TBC1D5: variants seen among roughly 807,000 people sequenced by gnomAD.
The protein encoded by TBC1D5 is TBC1 domain family, member 5.
TBC1D5 carries 75 observed loss-of-function variants against 100.3 expected under a neutral mutation model. The ratio of observed to expected loss-of-function variants is 0.75; its 90% CI spans 0.62 to 0.91. The LOEUF (loss-of-function observed/expected upper bound fraction) is 0.91, where lower values mean the gene tolerates loss of function less well. TBC1D5 is among the 40% of genes least tolerant of loss of function. TBC1D5 has a pLI of 0.00. For synonymous variants in TBC1D5, 323 were observed against 325.6 expected (o/e 0.99, Z 0.09); for missense variants, 910 against 942.4 (o/e 0.97, Z 0.45).
chr3:17,246,470 G>A (rs1229970413), intron 16 of TBC1D5, among the ~76,000 whole-genome samples: 1 of 151,890 alleles, frequency 6.6e-6, no homozygotes, highest in Non-Finnish European at 1.5e-5. Context: ...AATAGTGAAA[G>A]TAATAAAAAA....
At chr3:17,530,357 G>A (rs2096205053) in intron 2 of TBC1D5, among the ~76,000 whole-genome samples, 1 of 151,952 alleles carries the variant, frequency 6.6e-6, no homozygotes, top group Non-Finnish European at 1.5e-5. Context: ...GTTGGGGGGT[G>A]GTTACAACTA....
chr3:17,438,656 T>C (rs2094581414), intron 3 of TBC1D5, among the ~76,000 whole-genome samples: 2 of 152,208 alleles, frequency 1.3e-5, no homozygotes, highest in South Asian at 4.1e-4. Flanking sequence ...ATTACCAGTC[T>C]TGGGTATTTC....
chr3:17,238,082 A>G (rs1198355475), intron 17 of TBC1D5, 81 bp downstream of exon 17: 1 of 1,514,660 alleles, frequency 6.6e-7, no homozygotes, highest in Non-Finnish European at 8.8e-7. Context: ...ATTCTAGGAG[A>G]TTGGTTCCTC....
intron 1 of TBC1D5, among the ~76,000 whole-genome samples, chr3:17,675,223 C>T (rs962682960): frequency 6.6e-6 from 1 of 151,882 alleles, no homozygotes; most frequent in East Asian, 1.9e-4. Context: ...GCTACCAAGA[C>T]AGATTATTAA....
At chr3:17,424,923 T>TA (rs1192950851) in intron 4 of TBC1D5, among the ~76,000 whole-genome samples, 2 of 152,222 alleles carry the variant, frequency 1.3e-5, no homozygotes, top group African/African-American at 4.8e-5. Context: ...TTTCATCTAC[T>TA]AGGTTTTCAA....
At chr3:17,401,257 CATAT>C in intron 8 of TBC1D5, among the ~76,000 whole-genome samples, 2 of 148,716 alleles carry the variant, frequency 1.3e-5, no homozygotes, top group Admixed American at 6.8e-5. Flanking sequence ...GTATAATATA[CATAT>C]ATATGTATGT....
chr3:17,165,285 A>G (rs758436494), intron 21 of TBC1D5, among the ~76,000 whole-genome samples: 1 of 152,232 alleles, frequency 6.6e-6, no homozygotes, highest in Non-Finnish European at 1.5e-5. Context: ...CAAATTCATT[A>G]GTGATTTTAA....
At chr3:17,289,392 A>G (rs977068564) in intron 15 of TBC1D5, among the ~76,000 whole-genome samples, 34 of 152,020 alleles carry the variant, frequency 2.2e-4, no homozygotes, top group African/African-American at 7.5e-4. Context: ...CAGCTGGCAG[A>G]GTGACTGAGA....
At chr3:17,580,564 G>A (rs1178899482) in intron 2 of TBC1D5, among the ~76,000 whole-genome samples, 2 of 152,142 alleles carry the variant, frequency 1.3e-5, no homozygotes, top group East Asian at 1.9e-4. Flanking sequence ...TGTACACACT[G>A]CTTTAACAAT....
chr3:17,665,613 T>C (rs890197003), intron 1 of TBC1D5, among the ~76,000 whole-genome samples: 11 of 152,232 alleles, frequency 7.2e-5, no homozygotes, highest in African/African-American at 2.4e-4. Flanking sequence ...GCTGCAGCTG[T>C]GCACCGGGTT....
chr3:17,280,837 T>C (rs920449551), intron 15 of TBC1D5, among the ~76,000 whole-genome samples: 9 of 152,196 alleles, frequency 5.9e-5, no homozygotes, highest in Admixed American at 1.3e-4. Context: ...ACTTAAGCTG[T>C]CCACAGTCTG....
At chr3:17,178,080 TTTTGA>T (rs1294338797) in intron 19 of TBC1D5, among the ~76,000 whole-genome samples, 2 of 150,888 alleles carry the variant, frequency 1.3e-5, no homozygotes, top group Non-Finnish European at 1.5e-5. Context: ...TTTTTTTTTT[TTTTGA>T]GATGGAGTCT....
chr3:17,162,528 C>T (rs999546682), intron 21 of TBC1D5, among the ~76,000 whole-genome samples: 11 of 152,192 alleles, frequency 7.2e-5, no homozygotes, highest in Non-Finnish European at 1.3e-4. Context: ...ACGTAATTGG[C>T]CTTTAGGATC....
At chr3:17,643,305 G>C (rs367928462) in intron 1 of TBC1D5, among the ~76,000 whole-genome samples, 19 of 152,142 alleles carry the variant, frequency 1.2e-4, no homozygotes, top group East Asian at 3.9e-4. Context: ...TATTATATCA[G>C]ATGTTAATAT....
chr3:17,316,259 C>A (rs1292266965), intron 13 of TBC1D5, among the ~76,000 whole-genome samples: 1 of 152,192 alleles, frequency 6.6e-6, no homozygotes, highest in Non-Finnish European at 1.5e-5. Context: ...CTGAAGTCCA[C>A]ATGGAGACAA....
chr3:17,600,885 G>C lies in TBC1D5; in HGVS notation c.-36+22964C>G, dbSNP rs550953229. Among the ~76,000 whole-genome samples, 5 of 152,220 alleles carry C rather than the reference G, an allele frequency of 3.3e-5. No individual in the cohort carries two copies. The East Asian group carries it at 9.6e-4, about 29-fold the overall frequency. On this transcript the variant is annotated intron_variant, in intron 2 of 21. Coordinates refer to ENST00000253692, the Ensembl canonical transcript of TBC1D5. ...TTTAAAATAATCCTTGAAATATTTCGTGTTTGTCTTTACATTTTATTCTCT... is the reference window on the plus strand; with the variant it reads ...TTTAAAATAATCCTTGAAATATTTCCTGTTTGTCTTTACATTTTATTCTCT...
In TBC1D5 at chr3:17,724,605, T is replaced by G. The variant is rs1197803770; in HGVS notation, c.-101+14738A>C. On this transcript the variant is annotated intron_variant, in intron 1 of 21. Coordinates refer to ENST00000253692, the Ensembl canonical transcript of TBC1D5. ...CTCTAGAAGCATATTTTCTTTACGT[T>G]ATTCTGCTTGCAGTTCTCTCAGCTT... Among the ~76,000 whole-genome samples, 3 of 152,236 alleles carry G rather than the reference T, an allele frequency of 2.0e-5. 1 individual carries two copies. In the South Asian group the frequency reaches 6.2e-4, roughly 31 times the overall value.
intron 13 of TBC1D5, among the ~76,000 whole-genome samples, chr3:17,351,282 T>A (rs2090545748): frequency 6.6e-6 from 1 of 152,188 alleles, no homozygotes; most frequent in African/African-American, 2.4e-5. Flanking sequence ...CATGCACATG[T>A]GTGTTTACTG....
chr3:17,219,099 TA>T (rs2073994366), intron 17 of TBC1D5, among the ~76,000 whole-genome samples: 1 of 151,526 alleles, frequency 6.6e-6, no homozygotes, highest in African/African-American at 2.4e-5. Flanking sequence ...TTTTTTTTTT[TA>T]TTCTTTGTCT....
Sources: gnomAD v4.1 joint callset for allele counts (sites outside exome capture counted in the v4.1 genomes callset) on GRCh38, gnomAD v4.1.1 for gene constraint, MANE v1.5 for transcripts, NCBI Gene and HGNC (gene_info 2026-07-23, HGNC 2026-07-21) for gene names.